Variants in FGF18 observed in about 807,000 individuals in gnomAD.
FGF18 encodes the protein fibroblast growth factor 18.
Under a neutral mutation model 23.0 loss-of-function variants are expected in FGF18, and 5 were observed. The ratio of observed to expected loss-of-function variants is 0.22; its 90% CI spans 0.11 to 0.46. The LOEUF (loss-of-function observed/expected upper bound fraction) is 0.46. Among genes scored for constraint, FGF18 ranks in the 20% least tolerant of loss-of-function variants. The pLI is 0.99. For missense variants in FGF18, 180 were observed against 291.6 expected (o/e 0.62, Z 2.79); for synonymous variants, 117 against 118.9 (o/e 0.98, Z 0.10).
chr5:171,453,803 A>G (rs2113367601), intron 4 of FGF18, among the ~76,000 whole-genome samples: 3 of 152,226 alleles, frequency 2.0e-5, no homozygotes, highest in South Asian at 2.1e-4. Context: ...CTCCCTAATC[A>G]GTGTGTCTCA....
chr5:171,452,296 A>G (rs933734787), intron 4 of FGF18, among the ~76,000 whole-genome samples: 6 of 152,316 alleles, frequency 3.9e-5, no homozygotes, highest in South Asian at 4.1e-4. Context: ...ACCTGTGGGA[A>G]CGCCTGGTCT....
chr5:171,427,306 G>A (rs1052206969), intron 2 of FGF18, among the ~76,000 whole-genome samples: 17 of 152,122 alleles, frequency 1.1e-4, no homozygotes, highest in African/African-American at 3.9e-4. Context: ...CAAAACACTC[G>A]ATGAGTAATT....
chr5:171,429,651 G>A (rs1772148187), intron 2 of FGF18, among the ~76,000 whole-genome samples: 1 of 152,260 alleles, frequency 6.6e-6, no homozygotes, highest in Non-Finnish European at 1.5e-5. Flanking sequence ...AAGTCTGGGG[G>A]CTGCCCCTCC....
At chr5:171,449,718 ACCTGGCCGCCTCGTCAG>A (rs1411080712) in intron 4 of FGF18, among the ~76,000 whole-genome samples, 1 of 151,944 alleles carries the variant, frequency 6.6e-6, no homozygotes, top group African/African-American at 2.4e-5. Context: ...GACCTCTGGA[ACCTGGCCGCCTCGTCAG>A]CGCTGGGCCT....
intron 2 of FGF18, among the ~76,000 whole-genome samples, chr5:171,426,404 A>G (rs574853960): frequency 1.3e-3 from 192 of 152,268 alleles, no homozygotes; most frequent in African/African-American, 4.4e-3. Flanking sequence ...TCTCTAACTC[A>G]TAAGACCCCA....
chr5:171,445,903 G>A (rs149289505), intron 3 of FGF18, among the ~76,000 whole-genome samples: 2,437 of 152,256 alleles, frequency 0.016, 33 homozygotes, highest in Non-Finnish European at 0.024. Flanking sequence ...TCCAGCTCTT[G>A]AGAGCAGCAT....
chr5:171,421,195 A>G (rs971910876), intron 2 of FGF18, among the ~76,000 whole-genome samples: 4 of 152,128 alleles, frequency 2.6e-5, no homozygotes, highest in African/African-American at 9.7e-5. Flanking sequence ...TGGCACGCAG[A>G]CAGTTGGAAC....
chr5:171,420,307 C>T lies in FGF18; in HGVS notation c.32+76C>T, dbSNP rs1771984178. 2.5e-6 allele frequency: 4 copies of T among 1,605,734 alleles called. No individual in the cohort carries two copies. In the African/African-American group the frequency reaches 4.0e-5, roughly 16 times the overall value. The stretch of plus-strand genomic sequence containing the variant: ...TGCCTGTGCCCTGTACCTCTGTCTG[C>T]CCGCCCGTCGGTTCACCTGACTCTT... On this transcript the variant is annotated intron_variant, in intron 1 of 4. Coordinates refer to ENST00000274625, the MANE Select transcript of FGF18 (RefSeq NM_003862.3).
chr5:171,428,208 G>A (rs1316979617), intron 2 of FGF18, among the ~76,000 whole-genome samples: 1 of 152,212 alleles, frequency 6.6e-6, no homozygotes, highest in African/African-American at 2.4e-5. Context: ...GCACAGACCT[G>A]GCATGCTGGA....
chr5:171,443,296 A>AT (rs111685984), intron 3 of FGF18, among the ~76,000 whole-genome samples: 41,737 of 151,468 alleles, frequency 0.28, 6,220 homozygotes, highest in African/African-American at 0.4. Context: ...CACCCAGCTA[A>AT]TTTTTTTTAT....
At position 171,436,378 on chromosome 5, in the gene FGF18, G is replaced by C. The variant is rs1772246670; in HGVS notation, c.250+105G>C. 2.1e-6 allele frequency: 2 copies of C among 969,294 alleles called. No homozygotes were observed. Among genetic ancestry groups the C allele is most frequent in the African/African-American group, 3.4e-5 (2 of 59,068 alleles). The allele number at this position is 969,294 out of a possible 1,614,324, so 60.0% of individuals were successfully genotyped here. Reference sequence around the variant, plus strand: ...CCAGCCTTGCTGCTCCTGGCTGTGTGATCTTGGACCTGGCACTGACCCTTT... The same window carrying C: ...CCAGCCTTGCTGCTCCTGGCTGTGTCATCTTGGACCTGGCACTGACCCTTT... On this transcript the variant is annotated intron_variant, in intron 3 of 4. Transcript: ENST00000274625. The surrounding 1 kb of genome is among the most constrained non-coding windows in gnomAD (Gnocchi z 4.4).
chr5:171,446,400 G>C (rs1772420164), intron 3 of FGF18, among the ~76,000 whole-genome samples: 1 of 152,204 alleles, frequency 6.6e-6, no homozygotes, highest in African/African-American at 2.4e-5. Flanking sequence ...GGCCCCAGTA[G>C]AAAGAGGCAG....
chr5:171,448,522 G>A (rs1229720804), intron 3 of FGF18, among the ~76,000 whole-genome samples: 2 of 152,102 alleles, frequency 1.3e-5, no homozygotes, highest in Non-Finnish European at 2.9e-5. Context: ...GGAGGTGTGC[G>A]TGCACATGCC....
In FGF18 at chr5:171,449,217, C is replaced by T. The variant is rs1772457374; in HGVS notation, c.321C>T (p.Tyr107=). The T allele has an allele frequency of 1.2e-6, 2 of 1,614,056 alleles. No individual in the cohort carries two copies. Among genetic ancestry groups the T allele is most frequent in the Non-Finnish European group, 1.7e-6 (2 of 1,179,962 alleles). ...VRIKGKETEF[Y]LCMNRKGKLV... ...TCAAGGGCAAGGAGACGGAATTCTA[C>T]CTGTGCATGAACCGCAAAGGCAAGC... The change falls in exon 4 of 5, where the codon TAC becomes TAT. Residue 107 remains tyrosine (Y), a synonymous_variant. Transcript: ENST00000274625.
intron 4 of FGF18, among the ~76,000 whole-genome samples, chr5:171,449,689 CT>C (rs1772469686): frequency 6.6e-6 from 1 of 152,186 alleles, no homozygotes; most frequent in Admixed American, 6.5e-5. Context: ...TTGCCAGGGG[CT>C]TACCGTCCTG....
intron 2 of FGF18, among the ~76,000 whole-genome samples, chr5:171,421,684 G>T (rs2113323898): frequency 6.6e-6 from 1 of 152,286 alleles, no homozygotes; most frequent in South Asian, 2.1e-4. Flanking sequence ...CCCAGGAGAG[G>T]GTTGTTACCC....
In FGF18 at chr5:171,434,150, C is replaced by T. The variant is rs1772215595; in HGVS notation, c.70-1943C>T. On this transcript the variant is annotated intron_variant, in intron 2 of 4. Transcript: ENST00000274625. This position sits in a 1 kb window ranked among gnomAD's most constrained non-coding sequence, Gnocchi z 4.6. ...CCCGCAAGGCAGTGGCCTGGGGCTG[C>T]CCGCAGGGGTGGGGCACAGGAAACA... is the stretch of plus-strand genomic sequence containing the variant. 6.6e-6 allele frequency among the ~76,000 whole-genome samples: 1 copy of T among 152,182 alleles called. No individual in the cohort carries two copies. The highest frequency in any genetic ancestry group is 6.5e-5 in the Admixed American group (1 of 15,278).
At chr5:171,450,522 C>G (rs1444027286) in intron 4 of FGF18, among the ~76,000 whole-genome samples, 1 of 152,206 alleles carries the variant, frequency 6.6e-6, no homozygotes, top group Non-Finnish European at 1.5e-5. Flanking sequence ...TGTCCCAGGT[C>G]CCACACTACA....
rs57512567 is a variant in FGF18, at chr5:171,432,359, T to TTTCTTC, written c.70-3719_70-3714dup. On this transcript the variant is annotated intron_variant, in intron 2 of 4. Transcript: ENST00000274625. Reference sequence around the variant, plus strand: ...CTGAGGTGCCATGTCTGGGGGTCATTTTCTTCTTCTTCTTCTTCTTTTTTA... The same window carrying TTTCTTC: ...CTGAGGTGCCATGTCTGGGGGTCATTTTCTTCTTCTTCTTCTTCTTCTTCTTTTTTA... Among the ~76,000 whole-genome samples, 20 of 151,492 alleles carry TTTCTTC rather than the reference T, an allele frequency of 1.3e-4. 1 individual carries two copies. Among genetic ancestry groups the TTTCTTC allele is most frequent in the African/African-American group, 2.2e-4 (9 of 41,252 alleles).
Sources: allele counts gnomAD v4.1 joint callset (sites outside exome capture counted in the v4.1 genomes callset), GRCh38; gene constraint gnomAD v4.1.1; non-coding constraint Gnocchi (gnomAD v3.1); transcripts MANE v1.5; gene names NCBI Gene and HGNC (gene_info 2026-07-23, HGNC 2026-07-21).